SPAG16: variants seen among roughly 807,000 people sequenced by gnomAD.
SPAG16 encodes sperm associated antigen 16.
SPAG16 carries 86 observed loss-of-function variants against 80.4 expected under a neutral mutation model. That is an observed-to-expected ratio of 1.07 (90% confidence interval 0.90 to 1.28). The LOEUF (loss-of-function observed/expected upper bound fraction) is 1.28. Ranked by LOEUF, SPAG16 falls within the 50% of genes most tolerant of loss-of-function variation. The pLI is 0.00. For synonymous variants in SPAG16, 294 were observed against 265.9 expected, an observed-to-expected ratio of 1.11 and a Z score of -1.03; for missense variants, 870 against 765.3, an observed-to-expected ratio of 1.14 and a Z score of -1.61.
chr2:213,613,637 T>C (rs1321211057), intron 10 of SPAG16, among the ~76,000 whole-genome samples: 1 of 152,226 alleles, frequency 6.6e-6, no homozygotes, highest in Non-Finnish European at 1.5e-5. Flanking sequence ...CCTATCTACA[T>C]TTTGTGCTTT....
chr2:214,117,240 A>G (rs2053976466), intron 14 of SPAG16, among the ~76,000 whole-genome samples: 1 of 151,304 alleles, frequency 6.6e-6, no homozygotes, highest in African/African-American at 2.4e-5. Context: ...GGAGAGCATT[A>G]ACAGCAGAAT....
intron 10 of SPAG16, among the ~76,000 whole-genome samples, chr2:213,566,196 T>A (rs2059756459): frequency 6.6e-6 from 1 of 152,138 alleles, no homozygotes; most frequent in African/African-American, 2.4e-5. Context: ...AATTGTGTGG[T>A]TAGGTCGTTG....
chr2:213,896,592 G>GCGCGCA (rs57025359), intron 11 of SPAG16, among the ~76,000 whole-genome samples: 2 of 111,878 alleles, frequency 1.8e-5, no homozygotes, highest in Non-Finnish European at 3.8e-5. Flanking sequence ...ACACACACAC[G>GCGCGCA]CACACACACA....
chr2:214,007,134 G>A (rs903662479), intron 12 of SPAG16, among the ~76,000 whole-genome samples: 2 of 151,908 alleles, frequency 1.3e-5, no homozygotes, highest in Non-Finnish European at 2.9e-5. Flanking sequence ...GATTATCATT[G>A]TAATAACACA....
At chr2:213,630,802 A>G (rs1191436125) in intron 10 of SPAG16, among the ~76,000 whole-genome samples, 1 of 152,122 alleles carries the variant, frequency 6.6e-6, no homozygotes, top group African/African-American at 2.4e-5. Flanking sequence ...GCACTACCAT[A>G]CTCCTCAAAA....
intron 10 of SPAG16, among the ~76,000 whole-genome samples, chr2:213,556,455 TATATC>T (rs2059429260): frequency 6.6e-6 from 1 of 151,976 alleles, no homozygotes; most frequent in Non-Finnish European, 1.5e-5. Context: ...TAGCTAAACT[TATATC>T]AGATACAGTA....
intron 10 of SPAG16, among the ~76,000 whole-genome samples, chr2:213,540,486 C>A (rs1174876032): frequency 6.6e-6 from 1 of 152,020 alleles, no homozygotes; most frequent in African/African-American, 2.4e-5. Flanking sequence ...AATGTAAATA[C>A]CTTTATATAA....
intron 13 of SPAG16, among the ~76,000 whole-genome samples, chr2:214,022,172 T>G (rs1211055335): frequency 6.6e-6 from 1 of 152,034 alleles, no homozygotes; most frequent in East Asian, 1.9e-4. Flanking sequence ...CCTTACCAAT[T>G]AGCTAACATT....
At chr2:213,630,029 A>G (rs1316295187) in intron 10 of SPAG16, among the ~76,000 whole-genome samples, 2 of 152,152 alleles carry the variant, frequency 1.3e-5, no homozygotes, top group African/African-American at 4.8e-5. Context: ...TTGACTTCTC[A>G]ATGTTCCCAT....
chr2:213,384,012 C>G (rs1042282157), intron 9 of SPAG16, among the ~76,000 whole-genome samples: 1 of 152,140 alleles, frequency 6.6e-6, no homozygotes, highest in Non-Finnish European at 1.5e-5. Context: ...TCTGCTGTTG[C>G]AAAGATACCA....
intron 1 of SPAG16, among the ~76,000 whole-genome samples, chr2:213,291,300 T>A (rs2062264471): frequency 6.6e-6 from 1 of 152,246 alleles, no homozygotes. Flanking sequence ...CACCTGTCCC[T>A]ACTGCCAGCT....
chr2:214,392,480 C>G (rs1227909774), intron 15 of SPAG16, among the ~76,000 whole-genome samples: 1 of 152,122 alleles, frequency 6.6e-6, no homozygotes, highest in African/African-American at 2.4e-5. Flanking sequence ...TGTACTCACC[C>G]TTCCTCAAGA....
chr2:213,726,794 A>G (rs553396102), intron 10 of SPAG16, among the ~76,000 whole-genome samples: 2 of 152,346 alleles, frequency 1.3e-5, no homozygotes, highest in East Asian at 3.9e-4. Flanking sequence ...ATCCGACAAA[A>G]TAGAGTACTT....
intron 15 of SPAG16, among the ~76,000 whole-genome samples, chr2:214,249,019 A>C (rs1350901483): frequency 6.6e-6 from 1 of 152,210 alleles, no homozygotes; most frequent in East Asian, 1.9e-4. Flanking sequence ...AGCATATTTA[A>C]GGAAATGATA....
intron 15 of SPAG16, among the ~76,000 whole-genome samples, chr2:214,153,658 G>A (rs1193478169): frequency 6.6e-6 from 1 of 151,954 alleles, no homozygotes; most frequent in Admixed American, 6.6e-5. Context: ...CACTGTAGAA[G>A]TTTTCTAGGG....
At chr2:213,713,135 C>G (rs756568449) in intron 10 of SPAG16, among the ~76,000 whole-genome samples, 1 of 152,078 alleles carries the variant, frequency 6.6e-6, no homozygotes, top group Admixed American at 6.6e-5. Context: ...ATGGGGGAAC[C>G]GCCCCCATGA....
chr2:213,899,050 C>A (rs1877049), intron 11 of SPAG16, among the ~76,000 whole-genome samples: 147,922 of 152,182 alleles, frequency 0.97, 72,038 homozygotes, highest in East Asian at 1. Flanking sequence ...CATATATTTT[C>A]TTACCAAGAC....
chr2:213,922,046 T>C (rs1211205593), intron 11 of SPAG16, among the ~76,000 whole-genome samples: 5 of 152,188 alleles, frequency 3.3e-5, no homozygotes, highest in African/African-American at 9.7e-5. Flanking sequence ...TTATATGCAT[T>C]TCATGGATTT....
chr2:213,332,483 T>C (rs1448323067), intron 5 of SPAG16, among the ~76,000 whole-genome samples: 1 of 152,098 alleles, frequency 6.6e-6, no homozygotes, highest in Non-Finnish European at 1.5e-5. Flanking sequence ...CCAGTGTTAC[T>C]CAAACAATTC....
Sources: allele counts gnomAD v4.1 joint callset (sites outside exome capture counted in the v4.1 genomes callset), GRCh38; gene constraint gnomAD v4.1.1; transcripts MANE v1.5; gene names NCBI Gene and HGNC (gene_info 2026-07-23, HGNC 2026-07-21).